The following CYB5R3 variants were observed in gnomAD, a reference collection of about 807,000 sequenced individuals.
CYB5R3 encodes the protein cytochrome b5 reductase 3.
A neutral mutation model predicts 36.5 loss-of-function variants in CYB5R3; 28 were observed. The observed-to-expected ratio is 0.77, with a 90% CI of 0.57 to 1.05. CYB5R3 has a LOEUF of 1.05. CYB5R3 is among the 50% of genes least tolerant of loss of function. CYB5R3 has a pLI of 0.00. For missense variants in CYB5R3, 474 were observed against 408.9 expected (o/e 1.16, Z -1.37); for synonymous variants, 181 against 159.8 (o/e 1.13, Z -1.00).
intron 1 of CYB5R3, chr22:42,640,283 G>T: frequency 6.5e-7 from 1 of 1,550,120 alleles, no homozygotes; most frequent in Non-Finnish European, 8.7e-7. Flanking sequence ...ATGGTTCTGG[G>T]ATGGAAAGTC....
intron 1 of CYB5R3, among the ~76,000 whole-genome samples, chr22:42,648,465 G>C (rs918102081): frequency 6.6e-6 from 1 of 152,208 alleles, no homozygotes; most frequent in African/African-American, 2.4e-5. Flanking sequence ...GAGGTGGCCT[G>C]GGGGGAAGGG....
In CYB5R3 at chr22:42,619,794, C is replaced by T. The variant is rs746553806; in HGVS notation, c.885G>A (p.Thr295=). ...LPNLDHVGHP[T]ERCFVF ...GCCCTCAGAAGACGAAGCAGCGCTC[C>T]GTGGGGTGGCCCACGTGGTCCAGGT... Residue 295 remains threonine (T), a synonymous_variant, in exon 9 of 9, where the codon ACG becomes ACA. Transcript: ENST00000352397. 86 of 1,591,508 alleles carry T rather than the reference C, an allele frequency of 5.4e-5. No homozygotes were observed. The highest frequency in any genetic ancestry group is 1.7e-4 in the Middle Eastern group (1 of 6,054).
At chr22:42,630,618 G>A (rs1054137401) in intron 4 of CYB5R3, among the ~76,000 whole-genome samples, 7 of 152,202 alleles carry the variant, frequency 4.6e-5, no homozygotes, top group African/African-American at 1.7e-4. Context: ...GGCTTTTGTT[G>A]GTAAAGATGA....
At chr22:42,623,253 G>A (rs983615556) in intron 8 of CYB5R3, among the ~76,000 whole-genome samples, 1 of 152,236 alleles carries the variant, frequency 6.6e-6, no homozygotes, top group Non-Finnish European at 1.5e-5. Flanking sequence ...TGGAGGTGGG[G>A]CGGCCCTCAC....
intron 3 of CYB5R3, 44 bp from the exon 4 acceptor site, chr22:42,631,032 C>A (rs368934201): frequency 3.9e-6 from 6 of 1,545,138 alleles, no homozygotes; most frequent in Non-Finnish European, 4.5e-6. Flanking sequence ...GATCATCCTG[C>A]GGGTGACCCC....
At chr22:42,632,225 G>A (rs1217825602) in intron 2 of CYB5R3, 1 of 152,440 alleles carries the variant, frequency 6.6e-6, no homozygotes, top group African/African-American at 2.4e-5. Context: ...AGCGTCCTGA[G>A]GGTGCACTCC....
At chr22:42,636,916 C>T in intron 1 of CYB5R3, 70 bp from the exon 2 acceptor site, 1 of 1,576,270 alleles carries the variant, frequency 6.3e-7, no homozygotes. Context: ...CTTGTCCACA[C>T]TACCAGGCCT....
intron 1 of CYB5R3, 146 bp from the exon 2 acceptor site, chr22:42,636,992 C>T: frequency 8.3e-7 from 1 of 1,208,568 alleles, no homozygotes; most frequent in Non-Finnish European, 1.2e-6. Flanking sequence ...AAAGCTTCAT[C>T]ATCCATTTTG....
chr22:42,623,550 G>T (rs1928098487), intron 8 of CYB5R3, among the ~76,000 whole-genome samples: 1 of 152,226 alleles, frequency 6.6e-6, no homozygotes, highest in Non-Finnish European at 1.5e-5. Context: ...GCCCGGGAAA[G>T]GACTCTGCCT....
In CYB5R3 at chr22:42,628,227, A is replaced by G; in HGVS notation, c.388T>C (p.Tyr130His). Residue 130 changes from tyrosine to histidine, a missense_variant, in exon 5 of 9, where the codon TAC (tyrosine) becomes CAC (histidine). Coordinates refer to ENST00000352397, the MANE Select transcript of CYB5R3 (RefSeq NM_000398.7). Reference sequence around the variant, plus strand: ...TCTCCAATCTGCATGCTCTCCAGGTACTGAGACATCTTCCCTCCAGCGGGA... The same window carrying G: ...TCTCCAATCTGCATGCTCTCCAGGTGCTGAGACATCTTCCCTCCAGCGGGA... ...KFPAGGKMSQYLESMQIGDTI... is the reference protein window; with the variant it reads ...KFPAGGKMSQHLESMQIGDTI... 1 of 1,614,050 alleles carries G rather than the reference A, an allele frequency of 6.2e-7. No individual in the cohort carries two copies. Among genetic ancestry groups the G allele is most frequent in the Non-Finnish European group, 8.5e-7 (1 of 1,179,970 alleles).
chr22:42,629,232 G>A (rs1928479309), intron 4 of CYB5R3, among the ~76,000 whole-genome samples: 1 of 152,126 alleles, frequency 6.6e-6, no homozygotes, highest in Non-Finnish European at 1.5e-5. Flanking sequence ...GGCCTCCAAG[G>A]CCCCGTCTGG....
chr22:42,637,935 G>A (rs900769798), intron 1 of CYB5R3, among the ~76,000 whole-genome samples: 5 of 152,102 alleles, frequency 3.3e-5, no homozygotes, highest in African/African-American at 4.8e-5. Flanking sequence ...CCCTGCCCCC[G>A]ACATCTCAGT....
intron 1 of CYB5R3, among the ~76,000 whole-genome samples, chr22:42,642,265 C>T (rs939386699): frequency 4.6e-5 from 7 of 152,004 alleles, no homozygotes; most frequent in Non-Finnish European, 1.0e-4. Context: ...GCACGTACCA[C>T]CAGGCCTTGG....
intron 2 of CYB5R3, among the ~76,000 whole-genome samples, chr22:42,636,036 G>A (rs970926892): frequency 2.0e-5 from 3 of 152,080 alleles, no homozygotes; most frequent in Non-Finnish European, 4.4e-5. Flanking sequence ...GCAACAGGAC[G>A]AAACCCCACC....
chr22:42,618,365 G>A lies in CYB5R3; in HGVS notation c.*1408C>T, dbSNP rs1056413889. The A allele has an allele frequency of 6.7e-5, 10 of 149,862 alleles. No homozygotes were observed. The highest frequency in any genetic ancestry group is 4.0e-4 in the Admixed American group (6 of 15,148). 9.3% of individuals were successfully genotyped at this position (149,862 alleles called of 1,614,324 possible). A position where few individuals can be genotyped will look rare whatever the true frequency, so the allele number is the denominator to read the frequency against. On this transcript the variant is annotated 3_prime_UTR_variant, in exon 9 of 9. Coordinates refer to ENST00000352397, the MANE Select transcript of CYB5R3 (RefSeq NM_000398.7). The stretch of plus-strand genomic sequence containing the variant: ...ATCCCGGCTAAAACGGTGAAACCCC[G>A]TCTCTACTAAAAATACAAAAAATTA...
At chr22:42,634,617 T>C (rs2146889877) in intron 2 of CYB5R3, among the ~76,000 whole-genome samples, 1 of 141,686 alleles carries the variant, frequency 7.1e-6, no homozygotes, top group South Asian at 2.4e-4. Flanking sequence ...CGGCTAATTT[T>C]CATATTGATT....
At chr22:42,635,540 A>C (rs1241309180) in intron 2 of CYB5R3, among the ~76,000 whole-genome samples, 2 of 152,066 alleles carry the variant, frequency 1.3e-5, no homozygotes, top group Non-Finnish European at 2.9e-5. Flanking sequence ...GTGCCTGGCC[A>C]ATAATTTACT....
intron 2 of CYB5R3, among the ~76,000 whole-genome samples, chr22:42,635,940 C>T (rs944362729): frequency 6.6e-6 from 1 of 152,220 alleles, no homozygotes; most frequent in Non-Finnish European, 1.5e-5. Context: ...TCAGGCCGGG[C>T]ACCACGGCTC....
chr22:42,648,825 T>C (rs1233060290), intron 1 of CYB5R3, among the ~76,000 whole-genome samples: 1 of 148,994 alleles, frequency 6.7e-6, no homozygotes, highest in East Asian at 2.0e-4. Flanking sequence ...ACATCGCCCA[T>C]TCACATACTC....
Sources: allele counts gnomAD v4.1 joint callset (sites outside exome capture counted in the v4.1 genomes callset), GRCh38; gene constraint gnomAD v4.1.1; transcripts MANE v1.5; gene names NCBI Gene and HGNC (gene_info 2026-07-23, HGNC 2026-07-21).